The following HOXC6 variants were observed in gnomAD, a reference collection of about 807,000 sequenced individuals.
The protein encoded by HOXC6 is homeobox protein Hox-C6.
HOXC6 carries 10 observed loss-of-function variants against 24.0 expected under a neutral mutation model. The ratio of observed to expected loss-of-function variants is 0.42; its 90% CI spans 0.26 to 0.71. The LOEUF (loss-of-function observed/expected upper bound fraction) is 0.71. Ranked by LOEUF, HOXC6 falls within the 30% of genes least tolerant of loss-of-function variation. HOXC6 has a pLI of 0.28. For missense variants in HOXC6, 258 were observed against 303.4 expected, an observed-to-expected ratio of 0.85 and a Z score of 1.11; for synonymous variants, 123 against 128.1, an observed-to-expected ratio of 0.96 and a Z score of 0.27.
At position 54,029,726 on chromosome 12, in the gene HOXC6, A is replaced by C. The variant is rs1940907701; in HGVS notation, c.472A>C (p.Lys158Gln). ...YSRYQTLELE[K>Q]EFHFNRYLTR... ...GCGGTACCAGACCCTGGAACTGGAG[A>C]AGGAATTTCACTTCAATCGCTACCT... Residue 158 changes from lysine to glutamine, a missense_variant, in exon 2 of 2, where the codon AAG (lysine) becomes CAG (glutamine). Lys to Gln is a moderately conservative substitution (Grantham distance 53, BLOSUM62 1). Coordinates refer to ENST00000243108, the MANE Select transcript of HOXC6 (RefSeq NM_004503.4). The C allele has an allele frequency of 6.2e-7, 1 of 1,614,074 alleles. No individual in the cohort carries two copies.
rs753211992 is a variant in HOXC6, at chr12:54,029,909, G to A, written c.655G>A (p.Gly219Ser). 6.2e-7 allele frequency: 1 copy of A among 1,607,554 alleles called. No individual in the cohort carries two copies. The highest frequency in any genetic ancestry group is 8.5e-7 in the Non-Finnish European group (1 of 1,176,628). Reference protein sequence around the residue: ...GGGGATADSLGGKEEKREETE... With the variant: ...GGGGATADSLSGKEEKREETE... Reference sequence around the variant, plus strand: ...CGGAGGGGCCACCGCCGACAGCCTGGGCGGAAAAGAGGAAAAGCGGGAAGA... The same window carrying A: ...CGGAGGGGCCACCGCCGACAGCCTGAGCGGAAAAGAGGAAAAGCGGGAAGA... Residue 219 changes from glycine (G) to serine (S), a missense_variant, in exon 2 of 2, where the codon GGC (glycine) becomes AGC (serine). Gly to Ser is a moderately conservative substitution (Grantham distance 56). Coordinates refer to ENST00000243108, the MANE Select transcript of HOXC6 (RefSeq NM_004503.4).
rs754192842 is a variant in HOXC6, at chr12:54,029,791, C to T, written c.537C>T (p.Cys179=). 1 of 1,614,100 alleles carries T rather than the reference C, an allele frequency of 6.2e-7. No homozygotes were observed. Among genetic ancestry groups the T allele is most frequent in the Non-Finnish European group, 8.5e-7 (1 of 1,180,032 alleles). ...RRRIEIANAL[C]LTERQIKIWF... ...GCATCGAGATCGCCAACGCGCTTTG[C>T]CTGACCGAGCGACAGATCAAAATCT... Residue 179 remains cysteine (C), a synonymous_variant, in exon 2 of 2, where the codon TGC becomes TGT. Transcript: ENST00000243108.
In HOXC6 at chr12:54,030,532, T is replaced by C. The variant is rs1940946480; in HGVS notation, c.*570T>C. 6.5e-6 allele frequency: 1 copy of C among 152,712 alleles called. No individual in the cohort carries two copies. The highest frequency in any genetic ancestry group is 1.5e-5 in the Non-Finnish European group (1 of 68,078). The allele number at this position is 152,712 out of a possible 1,614,324, so 9.5% of individuals were successfully genotyped here. A position where few individuals can be genotyped will look rare whatever the true frequency, so the allele number is the denominator to read the frequency against. ...TGTATTTAAAGAATCCTGGGGGTCA[T>C]TATGGCATTTTACAAACTGTGACCG... On this transcript the variant is annotated 3_prime_UTR_variant, in exon 2 of 2. Coordinates refer to ENST00000243108, the MANE Select transcript of HOXC6 (RefSeq NM_004503.4).
rs761472061 is a variant in HOXC6 at position 54,029,781 on chromosome 12, A to G, written c.527A>G (p.Asn176Ser). ...LTRRRRIEIA[N>S]ALCLTERQIK... Reference sequence around the variant, plus strand: ...CGGCGCCGGCGCATCGAGATCGCCAACGCGCTTTGCCTGACCGAGCGACAG... The same window carrying G: ...CGGCGCCGGCGCATCGAGATCGCCAGCGCGCTTTGCCTGACCGAGCGACAG... Residue 176 changes from asparagine to serine, a missense_variant, in exon 2 of 2, where the codon AAC (asparagine) becomes AGC (serine). Transcript: ENST00000243108. The G allele has an allele frequency of 6.2e-7, 1 of 1,614,100 alleles. No homozygotes were observed. Among genetic ancestry groups the G allele is most frequent in the Non-Finnish European group, 8.5e-7 (1 of 1,180,012 alleles).
Position 54,028,808 on chromosome 12 carries a change from C to T in HOXC6, c.287C>T (p.Thr96Ile). ...AGACAAAACACCTTAGGACATAACACACAGACCTCAATCGCTCAGGATTTT... is the reference window on the plus strand; with the variant it reads ...AGACAAAACACCTTAGGACATAACATACAGACCTCAATCGCTCAGGATTTT... Reference protein sequence around the residue: ...NCRQNTLGHNTQTSIAQDFSS... With the variant: ...NCRQNTLGHNIQTSIAQDFSS... Residue 96 changes from threonine to isoleucine, a missense_variant, in exon 1 of 2, where the codon ACA becomes ATA. Coordinates refer to ENST00000243108, the MANE Select transcript of HOXC6 (RefSeq NM_004503.4). The T allele has an allele frequency of 1.9e-6, 3 of 1,614,182 alleles. No individual in the cohort carries two copies. Among genetic ancestry groups the T allele is most frequent in the Non-Finnish European group, 2.5e-6 (3 of 1,180,026 alleles).
upstream of HOXC6, among the ~76,000 whole-genome samples, chr12:54,025,347 C>CA (rs922778984): frequency 4.6e-5 from 7 of 151,790 alleles, no homozygotes; most frequent in African/African-American, 1.5e-4. Flanking sequence ...ATTCTTTTGC[C>CA]AAAAAAATAA....
chr12:54,016,997 T>C (rs765305383), exon 1 of HOXC6: 6 of 142,820 alleles, frequency 4.2e-5, no homozygotes, highest in Non-Finnish European at 9.2e-5. Flanking sequence ...TAATTATTTT[T>C]CCCCCATTTA....
intron 1 of HOXC6, chr12:54,021,441 G>C (rs1213877794): frequency 1.3e-5 from 2 of 152,288 alleles, no homozygotes; most frequent in Non-Finnish European, 2.9e-5. Context: ...GCTGAGAATT[G>C]ATGGGCCTCC....
upstream of HOXC6, among the ~76,000 whole-genome samples, chr12:54,025,945 C>T (rs192153782): frequency 2.0e-5 from 3 of 152,148 alleles, no homozygotes; most frequent in Non-Finnish European, 4.4e-5. Context: ...TTCCCTCCCC[C>T]ACCCAGACAT....
intron 1 of HOXC6, chr12:54,022,421 G>T (rs896406637): frequency 3.3e-5 from 5 of 151,840 alleles, no homozygotes; most frequent in African/African-American, 1.2e-4. Flanking sequence ...TTGGCTTTTG[G>T]CCTTTAATTT....
chr12:54,024,151 C>T (rs557595078), upstream of HOXC6, among the ~76,000 whole-genome samples: 8 of 152,302 alleles, frequency 5.3e-5, no homozygotes, highest in East Asian at 1.9e-4. Flanking sequence ...CGGCTTTCTC[C>T]GTAAGAGGGA....
At chr12:54,026,765 C>T (rs550261989), upstream of HOXC6, among the ~76,000 whole-genome samples, 1 of 152,290 alleles carries the variant, frequency 6.6e-6, no homozygotes, top group East Asian at 1.9e-4. Context: ...TTTTTCCCCC[C>T]TAGCGACACT....
chr12:54,024,571 C>T (rs1363737392), upstream of HOXC6, among the ~76,000 whole-genome samples: 2 of 152,150 alleles, frequency 1.3e-5, no homozygotes, highest in African/African-American at 2.4e-5. Context: ...AATATCCCTC[C>T]CCAGGAAATT....
rs1940930854 is a variant in HOXC6, at chr12:54,030,219, C to T, written c.*257C>T. 6 of 366,594 alleles carry T rather than the reference C, an allele frequency of 1.6e-5. No individual in the cohort carries two copies. In the East Asian group the frequency reaches 2.2e-4, roughly 13 times the overall value. The allele number at this position is 366,594 out of a possible 1,614,324, so 22.7% of individuals were successfully genotyped here. A position where few individuals can be genotyped will look rare whatever the true frequency, so the allele number is the denominator to read the frequency against. On this transcript the variant is annotated 3_prime_UTR_variant, in exon 2 of 2. Coordinates refer to ENST00000243108, the MANE Select transcript of HOXC6 (RefSeq NM_004503.4). ...CGGCTTGTCTACAGGCCCTTTTCCCCGTCCAGGCCTTGGGGGCTCGGACCC... is the reference window on the plus strand; with the variant it reads ...CGGCTTGTCTACAGGCCCTTTTCCCTGTCCAGGCCTTGGGGGCTCGGACCC...
At chr12:54,017,509 G>A (rs568234180) in intron 1 of HOXC6, 4 of 152,198 alleles carry the variant, frequency 2.6e-5, no homozygotes, top group African/African-American at 9.6e-5. Context: ...AGGGAGAAGA[G>A]GGGGCTGGCG....
chr12:54,029,403 G>GCCCC, intron 1 of HOXC6, among the ~76,000 whole-genome samples: 1 of 58,828 alleles, frequency 1.7e-5, no homozygotes. Flanking sequence ...CTTTTGCCCC[G>GCCCC]CCCCCCCGCC....
At chr12:54,021,551 C>G (rs1452145878) in intron 1 of HOXC6, 1 of 152,236 alleles carries the variant, frequency 6.6e-6, no homozygotes, top group African/African-American at 2.4e-5. Context: ...GGGACCAGAG[C>G]GGGGCTGGAG....
At chr12:54,028,265 A>ATT (rs1422671421), upstream of HOXC6, 541 of 71,388 alleles carry the variant, frequency 7.6e-3, 2 homozygotes, top group African/African-American at 0.023. Context: ...ATATATATAT[A>ATT]TATTTTTTAA....
upstream of HOXC6, among the ~76,000 whole-genome samples, chr12:54,026,275 GC>G (rs1207177678): frequency 6.6e-6 from 1 of 152,098 alleles, no homozygotes; most frequent in Non-Finnish European, 1.5e-5. Flanking sequence ...GAGTACTCCT[GC>G]CTTGTTGTCT....
Sources: allele counts gnomAD v4.1 joint callset (sites outside exome capture counted in the v4.1 genomes callset), GRCh38; gene constraint gnomAD v4.1.1; transcripts MANE v1.5; gene names NCBI Gene and HGNC (gene_info 2026-07-23, HGNC 2026-07-21).